The following SMPX variants were observed in gnomAD, a reference collection of about 807,000 sequenced individuals.
SMPX encodes the protein small muscle protein X-linked.
SMPX carries 2 observed loss-of-function variants against 6.3 expected under a neutral mutation model. The ratio of observed to expected loss-of-function variants is 0.32; its 90% CI spans 0.13 to 0.99. The LOEUF is 0.99. SMPX is among the 50% of genes least tolerant of loss of function. SMPX has a pLI of 0.49. For synonymous variants in SMPX, 32 were observed against 24.7 expected, an observed-to-expected ratio of 1.30 and a Z score of -0.88; for missense variants, 60 against 66.8, an observed-to-expected ratio of 0.90 and a Z score of 0.36.
Position 21,737,704 on chromosome X carries a change from AG to A in SMPX, c.133-8del, listed in dbSNP as rs1241405904. On this transcript the variant is annotated splice_polypyrimidine_tract_variant and splice_region_variant and intron_variant, in intron 3 of 4. Transcript: ENST00000379494. ...CCGAGGTGGGAGGAACACCCTGAAG[AG>A]CAAGGAGAAGAAATCCAACTCACCA... The A allele has an allele frequency of 3.3e-6, 4 of 1,207,875 alleles. No individual in the cohort carries two copies. Among genetic ancestry groups the A allele is most frequent in the Non-Finnish European group, 4.5e-6 (4 of 893,338 alleles).
intron 3 of SMPX, among the ~76,000 whole-genome samples, chrX:21,739,508 CAGAGCCCT>C (rs1202507856): frequency 8.9e-6 from 1 of 112,131 alleles, no homozygotes; most frequent in African/African-American, 3.2e-5. Flanking sequence ...GGTCAGTGTA[CAGAGCCCT>C]AGAATCAGCT....
intron 4 of SMPX, chrX:21,733,812 C>T (rs1321741162): frequency 6.3e-6 from 2 of 317,719 alleles, no homozygotes; most frequent in Non-Finnish European, 1.2e-5. Flanking sequence ...TTTTGTTATG[C>T]TCCAAAAGTT....
intron 3 of SMPX, among the ~76,000 whole-genome samples, chrX:21,741,987 A>G (rs913533815): frequency 8.9e-6 from 1 of 112,186 alleles, no homozygotes; most frequent in Admixed American, 9.4e-5. Flanking sequence ...AGAGAGAGCA[A>G]AGTGCTTCCC....
At chrX:21,747,398 G>A (rs1167178141) in intron 2 of SMPX, among the ~76,000 whole-genome samples, 1 of 111,447 alleles carries the variant, frequency 9.0e-6, no homozygotes, top group African/African-American at 3.3e-5. Flanking sequence ...TGCCGGAATA[G>A]GATACAGTTC....
intron 4 of SMPX, among the ~76,000 whole-genome samples, chrX:21,724,145 C>T (rs1221549139): frequency 8.9e-6 from 1 of 112,181 alleles, no homozygotes; most frequent in East Asian, 2.8e-4. Flanking sequence ...TATGTGACCT[C>T]GCAGGGTGTC....
chrX:21,725,736 A>G (rs932942687), intron 4 of SMPX, among the ~76,000 whole-genome samples: 1 of 112,358 alleles, frequency 8.9e-6, no homozygotes, highest in Non-Finnish European at 1.9e-5. Context: ...CTCAAGCTCA[A>G]AGGATTCAGG....
chrX:21,724,374 T>C (rs1381812875), intron 4 of SMPX, among the ~76,000 whole-genome samples: 4 of 112,624 alleles, frequency 3.6e-5, no homozygotes, highest in Non-Finnish European at 7.5e-5. Context: ...TGTGTGTGTG[T>C]ATGTGTATGT....
At chrX:21,713,900 T>C (rs1273266139) in intron 4 of SMPX, among the ~76,000 whole-genome samples, 1 of 112,457 alleles carries the variant, frequency 8.9e-6, no homozygotes. Context: ...CTTAAAAATA[T>C]GTCTTGCCTT....
At chrX:21,735,355 A>G (rs887943602) in intron 4 of SMPX, among the ~76,000 whole-genome samples, 2 of 112,527 alleles carry the variant, frequency 1.8e-5, no homozygotes, top group Non-Finnish European at 3.8e-5. Flanking sequence ...TACCCTGACA[A>G]CTTAGATTTT....
intron 4 of SMPX, among the ~76,000 whole-genome samples, chrX:21,711,009 G>A (rs923472598): frequency 4.5e-5 from 5 of 111,679 alleles, no homozygotes; most frequent in Admixed American, 1.9e-4. Context: ...CCCGGGTCCC[G>A]GTAGAATTCA....
chrX:21,753,997 T>C (rs1914771452), intron 2 of SMPX, among the ~76,000 whole-genome samples: 1 of 112,687 alleles, frequency 8.9e-6, no homozygotes, highest in Non-Finnish European at 1.9e-5. Context: ...ACACACTAAA[T>C]TTTTTAGAAG....
rs765928656 is a variant in SMPX, at chrX:21,743,806, G to A, written c.76C>T (p.Arg26Trp). The change falls in exon 3 of 5, where the codon CGG becomes TGG. Residue 26 changes from arginine (R) to tryptophan (W), a missense_variant. Arg to Trp is a moderately radical substitution (Grantham distance 101). Transcript: ENST00000379494. ...ANINIPMGAF[R>W]PGAGQPPRRK... ...CTGGGGGGTTGACCTGCTCCTGGCC[G>A]AAAGGCTCCCATTGGAATATTGATA... 4.1e-6 allele frequency: 5 copies of A among 1,208,376 alleles called. No homozygotes were observed. The highest frequency in any genetic ancestry group is 3.0e-5 in the East Asian group (1 of 33,818).
At chrX:21,749,441 A>G (rs2092825069) in intron 2 of SMPX, among the ~76,000 whole-genome samples, 1 of 112,096 alleles carries the variant, frequency 8.9e-6, no homozygotes, top group African/African-American at 3.2e-5. Flanking sequence ...CAGCATCCAT[A>G]AAACGGTAAT....
At chrX:21,736,048 C>T (rs1419924120) in intron 4 of SMPX, among the ~76,000 whole-genome samples, 1 of 112,173 alleles carries the variant, frequency 8.9e-6, no homozygotes, top group Non-Finnish European at 1.9e-5. Flanking sequence ...TTTACTCTTA[C>T]TCCTGTGTTC....
chrX:21,723,007 C>T (rs1179800923), intron 4 of SMPX, among the ~76,000 whole-genome samples: 1 of 111,932 alleles, frequency 8.9e-6, no homozygotes, highest in African/African-American at 3.2e-5. Flanking sequence ...TCTGACCAAG[C>T]TTCTCACTGT....
At chrX:21,742,960 C>T (rs901777835) in intron 3 of SMPX, among the ~76,000 whole-genome samples, 1 of 112,362 alleles carries the variant, frequency 8.9e-6, no homozygotes, top group Non-Finnish European at 1.9e-5. Flanking sequence ...AAAACCTTCA[C>T]TATCTTTTTT....
intron 4 of SMPX, among the ~76,000 whole-genome samples, chrX:21,715,289 TGTGTGTGTGTGTGTGCGCGCACGCGC>T (rs1462853902): frequency 2.0e-5 from 2 of 101,496 alleles, no homozygotes; most frequent in Non-Finnish European, 3.8e-5. Context: ...TGTGTGTGTG[TGTGTGTGTGTGTGTGCGCGCACGCGC>T]GCGCGCTCGC....
chrX:21,737,814 G>T, intron 3 of SMPX, 117 bp from the exon 4 acceptor site: 1 of 687,763 alleles, frequency 1.5e-6, no homozygotes, highest in Non-Finnish European at 2.3e-6. Flanking sequence ...TGTGATTCTA[G>T]CAGAGTGACT....
At chrX:21,716,819 G>A (rs2382626) in intron 4 of SMPX, among the ~76,000 whole-genome samples, 5,451 of 111,636 alleles carry the variant, frequency 0.049, 327 homozygotes, top group African/African-American at 0.17. Context: ...TTCTTGGAAA[G>A]AAAGAAGAGA....
Sources: allele counts gnomAD v4.1 joint callset (sites outside exome capture counted in the v4.1 genomes callset), GRCh38; gene constraint gnomAD v4.1.1; transcripts MANE v1.5; gene names NCBI Gene and HGNC (gene_info 2026-07-23, HGNC 2026-07-21).